Variants in NREP observed in about 807,000 individuals in gnomAD.
NREP encodes neuronal regeneration related protein.
NREP carries 5 observed loss-of-function variants against 8.6 expected under a neutral mutation model. That is an observed-to-expected ratio of 0.58 (90% CI 0.30 to 1.22). The LOEUF (loss-of-function observed/expected upper bound fraction) is 1.22. Among genes scored for constraint, NREP ranks in the 50% most tolerant of loss-of-function variants. NREP has a pLI of 0.07. For missense variants in NREP, 86 were observed against 82.5 expected (o/e 1.04, Z -0.17); for synonymous variants, 27 against 28.0 (o/e 0.96, Z 0.11).
chr5:111,899,732 G>A (rs1754598213), intron 2 of NREP, among the ~76,000 whole-genome samples: 1 of 152,102 alleles, frequency 6.6e-6, no homozygotes, highest in Admixed American at 6.6e-5. Flanking sequence ...TGGACTGAAA[G>A]TTTTAAAATG....
At chr5:111,757,635 C>A (rs1187022679), upstream of NREP, 100 of 983,064 alleles carry the variant, frequency 1.0e-4, no homozygotes, top group Non-Finnish European at 1.2e-4. Context: ...ACCCCGCACC[C>A]GCGCCCCGGG....
chr5:111,780,721 A>G (rs1309787016), intron 2 of NREP, among the ~76,000 whole-genome samples: 7 of 152,192 alleles, frequency 4.6e-5, no homozygotes, highest in African/African-American at 1.7e-4. Context: ...AGCAGGAGCT[A>G]ATAGTCATAG....
chr5:111,760,918 A>T (rs1455835987), upstream of NREP, among the ~76,000 whole-genome samples: 1 of 152,228 alleles, frequency 6.6e-6, no homozygotes, highest in Non-Finnish European at 1.5e-5. Flanking sequence ...GTATTTCCTG[A>T]TTATAGCTAA....
chr5:111,903,022 G>C (rs1263970476), intron 2 of NREP, among the ~76,000 whole-genome samples: 3 of 149,970 alleles, frequency 2.0e-5, no homozygotes, highest in Non-Finnish European at 4.4e-5. Context: ...ATGTTGAGAA[G>C]TTTATATTTT....
At chr5:111,738,089 G>T (rs1749310326) in intron 2 of NREP, among the ~76,000 whole-genome samples, 1 of 152,136 alleles carries the variant, frequency 6.6e-6, no homozygotes, top group Admixed American at 6.6e-5. Flanking sequence ...CATATCCCTA[G>T]ACATAGTACC....
At chr5:111,772,487 G>T (rs906701804) in intron 2 of NREP, among the ~76,000 whole-genome samples, 1 of 151,808 alleles carries the variant, frequency 6.6e-6, no homozygotes. Flanking sequence ...TCCAGTTTCC[G>T]AAAGTCTGGA....
intron 2 of NREP, among the ~76,000 whole-genome samples, chr5:111,849,767 C>G (rs1753264936): frequency 2.0e-5 from 3 of 152,066 alleles, no homozygotes; most frequent in African/African-American, 7.2e-5. Flanking sequence ...TTTCTAGACT[C>G]CCTTGTAGCT....
intron 2 of NREP, among the ~76,000 whole-genome samples, chr5:111,963,701 T>C (rs757528693): frequency 7.2e-5 from 11 of 152,198 alleles, no homozygotes; most frequent in Non-Finnish European, 1.5e-4. Context: ...ACAGAATGAA[T>C]TGATAACTGA....
At chr5:111,798,756 TG>T (rs1751931623) in intron 2 of NREP, among the ~76,000 whole-genome samples, 1 of 98,484 alleles carries the variant, frequency 1.0e-5, no homozygotes, top group African/African-American at 4.2e-5. Context: ...TGTGTGTGTG[TG>T]TGTGTGTGTG....
chr5:111,915,008 C>T (rs1242288952), intron 2 of NREP, among the ~76,000 whole-genome samples: 1 of 152,100 alleles, frequency 6.6e-6, no homozygotes, highest in Non-Finnish European at 1.5e-5. Context: ...AAGGTAGCCA[C>T]TCAAACCAGC....
chr5:111,869,150 A>G (rs1753731663), intron 2 of NREP, among the ~76,000 whole-genome samples: 2 of 152,200 alleles, frequency 1.3e-5, no homozygotes, highest in Non-Finnish European at 2.9e-5. Context: ...TCTGTATGCA[A>G]GTGCTTATGT....
intron 2 of NREP, among the ~76,000 whole-genome samples, chr5:111,753,452 CATT>C (rs1750507250): frequency 6.7e-6 from 1 of 150,286 alleles, no homozygotes; most frequent in Admixed American, 6.6e-5. Flanking sequence ...AGTGTCTCCA[CATT>C]ATTGTTGTAA....
At chr5:111,793,441 G>A (rs1046273009) in intron 2 of NREP, among the ~76,000 whole-genome samples, 4 of 152,088 alleles carry the variant, frequency 2.6e-5, no homozygotes, top group African/African-American at 7.2e-5. Flanking sequence ...GGCAGGAGAA[G>A]ATAATTGTCT....
intron 2 of NREP, among the ~76,000 whole-genome samples, chr5:111,941,507 C>G (rs970416346): frequency 8.5e-5 from 13 of 152,062 alleles, no homozygotes; most frequent in African/African-American, 3.1e-4. Context: ...TTTGTGTCCT[C>G]CTCTGCGCAC....
chr5:111,926,603 T>C (rs573237258), intron 2 of NREP, among the ~76,000 whole-genome samples: 1 of 152,154 alleles, frequency 6.6e-6, no homozygotes, highest in Admixed American at 6.5e-5. Flanking sequence ...TGCAAAATAA[T>C]GTAAGCCACT....
chr5:111,791,379 C>A (rs980956242), intron 2 of NREP, among the ~76,000 whole-genome samples: 1 of 152,174 alleles, frequency 6.6e-6, no homozygotes, highest in African/African-American at 2.4e-5. Flanking sequence ...CCACCATCTT[C>A]CCCCAGTAAC....
intron 2 of NREP, among the ~76,000 whole-genome samples, chr5:111,907,338 T>C (rs1241474630): frequency 5.9e-5 from 9 of 152,132 alleles, no homozygotes. Context: ...TGGTCTATGA[T>C]CCATTTCGTG....
rs189103258 is a variant in NREP, at chr5:111,788,096, C to G, written c.136-52589G>C. Among the ~76,000 whole-genome samples, 20 of 152,162 alleles carry G rather than the reference C, an allele frequency of 1.3e-4. No homozygotes were observed. In the East Asian group the frequency reaches 3.3e-3, roughly 25 times the overall value. ...ACAAAGCAAGACCCTATCTCAACAA[C>G]AACAACAAGAAAAATCAAAAGAAAA... On this transcript the variant is annotated intron_variant, in intron 2 of 3. Coordinates refer to the NREP transcript ENST00000395634.
intron 2 of NREP, among the ~76,000 whole-genome samples, chr5:111,953,101 C>A (rs73225647): frequency 6.6e-6 from 1 of 151,968 alleles, no homozygotes; most frequent in Non-Finnish European, 1.5e-5. Context: ...TACTAAGTAG[C>A]CCTCTTCTTC....
Sources: gnomAD v4.1 joint callset for allele counts (sites outside exome capture counted in the v4.1 genomes callset) on GRCh38, gnomAD v4.1.1 for gene constraint, MANE v1.5 for transcripts, NCBI Gene and HGNC (gene_info 2026-07-23, HGNC 2026-07-21) for gene names.